KDM4B: variants seen among roughly 807,000 people sequenced by gnomAD.
KDM4B encodes lysine demethylase 4B.
Under a neutral mutation model 125.2 loss-of-function variants are expected in KDM4B, and 32 were observed. The ratio of observed to expected loss-of-function variants is 0.26; its 90% CI spans 0.19 to 0.34. KDM4B has a LOEUF of 0.34. Among genes scored for constraint, KDM4B ranks in the 10% least tolerant of loss-of-function variants. KDM4B has a pLI of 1.00. For synonymous variants in KDM4B, 721 were observed against 677.9 expected (o/e 1.06, Z -0.99); for missense variants, 1,190 against 1,577.7 (o/e 0.75, Z 4.16).
At chr19:5,056,011 T>G (rs781616757) in intron 6 of KDM4B, among the ~76,000 whole-genome samples, 3 of 152,178 alleles carry the variant, frequency 2.0e-5, no homozygotes, top group Non-Finnish European at 4.4e-5. Flanking sequence ...CCTGAACCCA[T>G]CCGGGTCCCA....
At chr19:5,089,350 A>G (rs2038613976) in intron 9 of KDM4B, among the ~76,000 whole-genome samples, 1 of 152,154 alleles carries the variant, frequency 6.6e-6, no homozygotes. Context: ...ACACGTGCAT[A>G]CCGGTTCCAT....
chr19:4,976,388 G>T (rs1328645752), intron 1 of KDM4B, among the ~76,000 whole-genome samples: 1 of 152,076 alleles, frequency 6.6e-6, no homozygotes, highest in African/African-American at 2.4e-5. Context: ...AGTGTAGGTG[G>T]GGGGAACGCT....
chr19:5,057,924 G>A lies in KDM4B; in HGVS notation c.626+10255G>A, dbSNP rs140456808. On this transcript the variant is annotated intron_variant, in intron 6 of 22. Coordinates refer to ENST00000159111, the MANE Select transcript of KDM4B (RefSeq NM_015015.3). ...GAGATGATGCAGGGATGCGGGGACC[G>A]AGGCCAGCATGTGTGGTGTCCAAGG... 3.7e-4 allele frequency among the ~76,000 whole-genome samples: 57 copies of A among 152,366 alleles called. No homozygotes were observed. In the East Asian group the frequency reaches 0.01, roughly 27 times the overall value.
At chr19:5,113,736 A>C (rs901210380) in intron 10 of KDM4B, among the ~76,000 whole-genome samples, 1 of 152,144 alleles carries the variant, frequency 6.6e-6, no homozygotes, top group Non-Finnish European at 1.5e-5. Flanking sequence ...ACAACCACAG[A>C]TGTCCCTAGA....
chr19:4,975,702 C>T (rs1026418912), intron 1 of KDM4B, among the ~76,000 whole-genome samples: 3 of 151,324 alleles, frequency 2.0e-5, no homozygotes, highest in African/African-American at 7.3e-5. Context: ...AAGCGATTCT[C>T]CTACTTCAGC....
chr19:5,007,755 G>A (rs978589110), intron 1 of KDM4B, among the ~76,000 whole-genome samples: 9 of 151,774 alleles, frequency 5.9e-5, no homozygotes, highest in Admixed American at 5.9e-4. Flanking sequence ...ATCTTGCTGT[G>A]TTGCCTAGTC....
chr19:5,126,568 C>T (rs145236987), intron 11 of KDM4B, among the ~76,000 whole-genome samples: 2 of 152,370 alleles, frequency 1.3e-5, no homozygotes, highest in African/African-American at 2.4e-5. Context: ...AGCCCTTCCC[C>T]TCCCCTCGCC....
chr19:4,995,689 C>G (rs749384177), intron 1 of KDM4B, among the ~76,000 whole-genome samples: 9 of 152,254 alleles, frequency 5.9e-5, no homozygotes, highest in Non-Finnish European at 1.0e-4. Flanking sequence ...CTCTCATCCT[C>G]TACGCAGAGC....
At position 5,144,348 on chromosome 19, in the gene KDM4B, C is replaced by T. The variant is rs1385974014; in HGVS notation, c.2837C>T (p.Thr946Ile). 2.1e-6 allele frequency: 3 copies of T among 1,426,436 alleles called. No homozygotes were observed. The African/African-American group carries it at 5.1e-5, about 24-fold the overall frequency. 88.4% of individuals were successfully genotyped at this position (1,426,436 alleles called of 1,614,324 possible). ...CGCGTCATCGGTGCCGCCTCGCAGA[C>T]CTGCTACGAAGTGAACTTCGACGAT... ...RCRVIGAASQ[T>I]CYEVNFDDGS... The change falls in exon 20 of 23, where the codon ACC (threonine) becomes ATC (isoleucine). Residue 946 changes from threonine (T) to isoleucine (I), a missense_variant. Physicochemically the swap from Thr to Ile is moderately conservative, Grantham distance 89. Coordinates refer to ENST00000159111, the MANE Select transcript of KDM4B (RefSeq NM_015015.3).
At chr19:5,031,879 T>C (rs2036471308) in intron 2 of KDM4B, among the ~76,000 whole-genome samples, 1 of 152,182 alleles carries the variant, frequency 6.6e-6, no homozygotes, top group Admixed American at 6.5e-5. Context: ...CTCCCTGCCT[T>C]GTTTCCTTCA....
At chr19:5,150,117 T>C (rs1445845979) in intron 21 of KDM4B, among the ~76,000 whole-genome samples, 1 of 152,240 alleles carries the variant, frequency 6.6e-6, no homozygotes, top group Non-Finnish European at 1.5e-5. Flanking sequence ...GGGCCCTGCC[T>C]CTGCCCCAGG....
chr19:5,053,299 A>G lies in KDM4B; in HGVS notation c.626+5630A>G, dbSNP rs192208833. Among the ~76,000 whole-genome samples the G allele has an allele frequency of 2.4e-3, 367 of 152,234 alleles. 1 individual carries two copies. The highest frequency in any genetic ancestry group is 8.5e-3 in the African/African-American group (354 of 41,544). On this transcript the variant is annotated intron_variant, in intron 6 of 22. Transcript: ENST00000159111. ...TGCCCTGGGAGGTCAGACTGAGAAG[A>G]CCCACCAGACTGATGGGGGCAGCCC...
chr19:5,094,261 A>G (rs1200996714), intron 9 of KDM4B, among the ~76,000 whole-genome samples: 1 of 152,192 alleles, frequency 6.6e-6, no homozygotes, highest in Non-Finnish European at 1.5e-5. Flanking sequence ...GCTTCAGAAA[A>G]GCTCCTCTGT....
intron 18 of KDM4B, among the ~76,000 whole-genome samples, chr19:5,143,272 A>G (rs1449063248): frequency 1.3e-5 from 2 of 151,492 alleles, no homozygotes; most frequent in Non-Finnish European, 1.5e-5. Flanking sequence ...GCAGTGAGCT[A>G]TGATCGCGCC....
At chr19:5,031,893 T>A (rs2036471858) in intron 2 of KDM4B, among the ~76,000 whole-genome samples, 1 of 152,180 alleles carries the variant, frequency 6.6e-6, no homozygotes, top group Non-Finnish European at 1.5e-5. Flanking sequence ...TCCTTCACAC[T>A]CTAGATCACT....
chr19:5,118,284 C>T (rs911498499), intron 10 of KDM4B, among the ~76,000 whole-genome samples: 3 of 152,222 alleles, frequency 2.0e-5, no homozygotes, highest in African/African-American at 7.2e-5. Flanking sequence ...GGGAAGCACC[C>T]GGAAGCCGCA....
At chr19:5,036,324 C>T (rs2036625063) in intron 3 of KDM4B, among the ~76,000 whole-genome samples, 1 of 152,230 alleles carries the variant, frequency 6.6e-6, no homozygotes, top group Admixed American at 6.5e-5. Context: ...CGATGGAGCT[C>T]GGTGGGGGCG....
Position 5,150,403 on chromosome 19 carries a change from A to T in KDM4B, c.3067A>T (p.Ile1023Phe). Residue 1023 changes from isoleucine to phenylalanine, a missense_variant, in exon 22 of 23, where the codon ATC (isoleucine) becomes TTC (phenylalanine). Physicochemically the swap from Ile to Phe is conservative, Grantham distance 21. Transcript: ENST00000159111. ...GSQLTVKRGDIFTLEEELPKR... is the reference protein window; with the variant it reads ...GSQLTVKRGDFFTLEEELPKR... The stretch of plus-strand genomic sequence containing the variant: ...CCAGCTGACGGTGAAGCGTGGGGAC[A>T]TCTTCACCCTGGAGGAGGAGCTGCC... The T allele has an allele frequency of 6.4e-7, 1 of 1,551,352 alleles. No individual in the cohort carries two copies.
chr19:5,128,645 G>A (rs1045256730), intron 11 of KDM4B, among the ~76,000 whole-genome samples: 3 of 152,138 alleles, frequency 2.0e-5, no homozygotes, highest in African/African-American at 4.8e-5. Flanking sequence ...CAGCCTCCCC[G>A]GGCTGCTCCA....
Sources: allele counts gnomAD v4.1 joint callset (sites outside exome capture counted in the v4.1 genomes callset), GRCh38; gene constraint gnomAD v4.1.1; transcripts MANE v1.5; gene names NCBI Gene and HGNC (gene_info 2026-07-23, HGNC 2026-07-21).